Variants in OSBP2 observed in about 807,000 individuals in gnomAD.
The protein encoded by OSBP2 is oxysterol binding protein 2.
A neutral mutation model predicts 96.0 loss-of-function variants in OSBP2; 66 were observed. That is an observed-to-expected ratio of 0.69 (90% CI 0.56 to 0.84). The LOEUF is 0.84. Among genes scored for constraint, OSBP2 ranks in the 40% least tolerant of loss-of-function variants. OSBP2 has a pLI of 0.00. For synonymous variants in OSBP2, 525 were observed against 520.9 expected (o/e 1.01, Z -0.11); for missense variants, 1,038 against 1,222.7 (o/e 0.85, Z 2.25).
Position 30,887,410 on chromosome 22 carries a change from A to G in OSBP2, c.1108-16A>G. 6.2e-7 allele frequency: 1 copy of G among 1,605,102 alleles called. No homozygotes were observed. The highest frequency in any genetic ancestry group is 1.1e-5 in the South Asian group (1 of 90,792). ...CCAGAGGCCAGGGTCTCATACCGCCACTCCTCCCTCCCCAGGCCTGCAGGG... is the reference window on the plus strand; with the variant it reads ...CCAGAGGCCAGGGTCTCATACCGCCGCTCCTCCCTCCCCAGGCCTGCAGGG... On this transcript the variant is annotated splice_polypyrimidine_tract_variant and intron_variant, in intron 3 of 13. Transcript: ENST00000332585.
intron 2 of OSBP2, among the ~76,000 whole-genome samples, chr22:30,746,441 A>G (rs541025352): frequency 6.7e-6 from 1 of 150,244 alleles, no homozygotes; most frequent in Non-Finnish European, 1.5e-5. Context: ...AAATTATACC[A>G]ATTCTTCTTA....
intron 12 of OSBP2, among the ~76,000 whole-genome samples, chr22:30,901,515 T>TG (rs1259675011): frequency 1.3e-5 from 2 of 152,214 alleles, no homozygotes; most frequent in Non-Finnish European, 2.9e-5. Flanking sequence ...AGCTACAATA[T>TG]CTCTGATACA....
intron 2 of OSBP2, chr22:30,822,539 C>T: frequency 1.6e-6 from 2 of 1,248,322 alleles, no homozygotes; most frequent in South Asian, 3.4e-5. Flanking sequence ...CTCCGCCGGG[C>T]GGCCCACCGA....
At chr22:30,859,825 C>T (rs992439769) in intron 2 of OSBP2, among the ~76,000 whole-genome samples, 10 of 152,330 alleles carry the variant, frequency 6.6e-5, no homozygotes, top group Middle Eastern at 3.4e-3. Context: ...TTTAATTTCC[C>T]GAGATGTCAG....
At chr22:30,869,127 C>T (rs539881299) in intron 2 of OSBP2, among the ~76,000 whole-genome samples, 9 of 152,258 alleles carry the variant, frequency 5.9e-5, no homozygotes, top group South Asian at 2.1e-4. Flanking sequence ...CCCCCAGAGA[C>T]GCCCACAGCC....
At chr22:30,802,868 C>T (rs374157838) in intron 2 of OSBP2, among the ~76,000 whole-genome samples, 2 of 152,190 alleles carry the variant, frequency 1.3e-5, no homozygotes, top group African/African-American at 2.4e-5. Context: ...GACGGGCGGG[C>T]GGGCGGAGCG....
In OSBP2 at chr22:30,764,594, C is replaced by T. The variant is rs190435476; in HGVS notation, c.853+23225C>T. 6.6e-5 allele frequency among the ~76,000 whole-genome samples: 10 copies of T among 152,302 alleles called. No homozygotes were observed. In the East Asian group the frequency reaches 1.5e-3, roughly 24 times the overall value. ...TTTGAAGGAATGACTTCACAAAGCA[C>T]AGTGTTTCTTACTTGTTGGGGGAGA... On this transcript the variant is annotated intron_variant, in intron 2 of 13. Transcript: ENST00000332585.
intron 1 of OSBP2, among the ~76,000 whole-genome samples, chr22:30,699,289 T>G (rs1052292502): frequency 6.6e-6 from 1 of 152,164 alleles, no homozygotes; most frequent in Non-Finnish European, 1.5e-5. Flanking sequence ...TTCTAATATA[T>G]AGAGTATGTT....
chr22:30,740,934 G>A (rs1390161363), intron 1 of OSBP2, among the ~76,000 whole-genome samples: 2 of 152,132 alleles, frequency 1.3e-5, no homozygotes, highest in Admixed American at 1.3e-4. Context: ...ACCAATGCAG[G>A]CTCCCGTCCC....
At chr22:30,866,291 A>G (rs1004109135) in intron 2 of OSBP2, among the ~76,000 whole-genome samples, 3 of 152,196 alleles carry the variant, frequency 2.0e-5, no homozygotes, top group African/African-American at 4.8e-5. Context: ...GGCTTTGAAG[A>G]TGGAGGAAGG....
chr22:30,725,202 A>AAC (rs1555908237), intron 1 of OSBP2, among the ~76,000 whole-genome samples: 5 of 145,144 alleles, frequency 3.4e-5, no homozygotes, highest in East Asian at 2.1e-4. Context: ...AAAAACAAAA[A>AAC]AAAAACAAAA....
intron 2 of OSBP2, among the ~76,000 whole-genome samples, chr22:30,750,288 G>A (rs2090058445): frequency 6.6e-6 from 1 of 152,190 alleles, no homozygotes; most frequent in East Asian, 1.9e-4. Context: ...GGTCAAATCA[G>A]TGAATGTTTC....
chr22:30,841,417 T>C (rs1382290403), intron 2 of OSBP2, among the ~76,000 whole-genome samples: 3 of 152,202 alleles, frequency 2.0e-5, no homozygotes, highest in Non-Finnish European at 4.4e-5. Context: ...AACCACATAA[T>C]GTACAACCTT....
At chr22:30,901,619 C>T (rs1376732116) in intron 12 of OSBP2, among the ~76,000 whole-genome samples, 5 of 151,906 alleles carry the variant, frequency 3.3e-5, no homozygotes, top group Non-Finnish European at 5.9e-5. Context: ...AATCCCAGCA[C>T]TTTGGGAGGC....
intron 1 of OSBP2, among the ~76,000 whole-genome samples, chr22:30,730,630 T>C (rs934730219): frequency 6.6e-6 from 1 of 150,806 alleles, no homozygotes; most frequent in Non-Finnish European, 1.5e-5. Flanking sequence ...TTGCATTGAA[T>C]GGAAGTTCCA....
chr22:30,887,691 C>G (rs907726876), intron 4 of OSBP2, 73 bp downstream of exon 4: 5 of 1,287,680 alleles, frequency 3.9e-6, no homozygotes, highest in Admixed American at 2.1e-5. Flanking sequence ...ACTTCTGCGC[C>G]CCCACATGCA....
rs2090395123 is a variant in OSBP2, at chr22:30,774,074, GGTCAGGACA to G, written c.853+32709_853+32717del. 2.0e-5 allele frequency among the ~76,000 whole-genome samples: 3 copies of G among 152,200 alleles called. No homozygotes were observed. In the South Asian group the frequency reaches 6.2e-4, roughly 32 times the overall value. On this transcript the variant is annotated intron_variant, in intron 2 of 13. Transcript: ENST00000332585. ...CGAGTGGAGGACCAGTGTCATGGGT[GGTCAGGACA>G]GTCCTGACCACCAATGAGAGGTGGC... is the stretch of plus-strand genomic sequence containing the variant.
chr22:30,801,151 G>A (rs545705773), intron 2 of OSBP2, among the ~76,000 whole-genome samples: 2 of 152,304 alleles, frequency 1.3e-5, no homozygotes, highest in East Asian at 3.9e-4. Context: ...AGGTGATTGT[G>A]TACCCTGTCC....
intron 1 of OSBP2, among the ~76,000 whole-genome samples, chr22:30,698,037 C>G (rs1476851380): frequency 6.6e-6 from 1 of 152,194 alleles, no homozygotes; most frequent in Non-Finnish European, 1.5e-5. Context: ...GTCCCCACTT[C>G]TGATCTGAAT....
Sources: gnomAD v4.1 joint callset for allele counts (sites outside exome capture counted in the v4.1 genomes callset) on GRCh38, gnomAD v4.1.1 for gene constraint, MANE v1.5 for transcripts, NCBI Gene and HGNC (gene_info 2026-07-23, HGNC 2026-07-21) for gene names.